GPM6B: variants seen among roughly 807,000 people sequenced by gnomAD.
The protein encoded by GPM6B is neuronal membrane glycoprotein M6-b.
Under a neutral mutation model 27.2 loss-of-function variants are expected in GPM6B, and 4 were observed. The observed-to-expected ratio is 0.15, with a 90% CI of 0.07 to 0.34. GPM6B has a LOEUF of 0.34. GPM6B is among the 10% of genes least tolerant of loss of function. The probability of loss-of-function intolerance (pLI) is 1.00; values close to 1 mark genes in which losing one functional copy is unlikely to be tolerated. For synonymous variants in GPM6B, 124 were observed against 103.1 expected (o/e 1.20, Z -1.23); for missense variants, 183 against 261.9 (o/e 0.70, Z 2.08).
chrX:13,790,045 G>A (rs900085021), intron 2 of GPM6B, among the ~76,000 whole-genome samples: 1 of 111,371 alleles, frequency 9.0e-6, no homozygotes, highest in Admixed American at 9.5e-5. Context: ...GTAGTGACAG[G>A]GTCTCCTTAT....
intron 1 of GPM6B, among the ~76,000 whole-genome samples, chrX:13,843,767 T>C (rs1316577568): frequency 8.9e-6 from 1 of 112,223 alleles, no homozygotes; most frequent in African/African-American, 3.2e-5. Context: ...TTTATTTTTA[T>C]TTTGGGTTGT....
At chrX:13,794,586 T>C (rs1264159291) in intron 2 of GPM6B, among the ~76,000 whole-genome samples, 3 of 111,690 alleles carry the variant, frequency 2.7e-5, no homozygotes, top group African/African-American at 9.8e-5. Flanking sequence ...TGCTTGACAT[T>C]TGCACAGTAA....
chrX:13,827,789 G>A (rs977129970), intron 1 of GPM6B, among the ~76,000 whole-genome samples: 1 of 112,301 alleles, frequency 8.9e-6, no homozygotes, highest in African/African-American at 3.2e-5. Context: ...CAGAAGTAGC[G>A]ATAAAGATGA....
chrX:13,844,471 A>G (rs748355326), intron 1 of GPM6B, among the ~76,000 whole-genome samples: 1 of 112,591 alleles, frequency 8.9e-6, no homozygotes, highest in South Asian at 3.7e-4. Context: ...ATTTGCTTTA[A>G]TCAATCACAC....
chrX:13,885,507 G>C (rs1320861174), intron 1 of GPM6B, among the ~76,000 whole-genome samples: 1 of 111,671 alleles, frequency 9.0e-6, no homozygotes, highest in Non-Finnish European at 1.9e-5. Flanking sequence ...AGTCTGATTG[G>C]GGTGAGCGGG....
chrX:13,773,751 ACTTT>A (rs1194326177), intron 7 of GPM6B: 2 of 113,135 alleles, frequency 1.8e-5, no homozygotes, highest in Non-Finnish European at 3.6e-5. Context: ...TATAGTTCAT[ACTTT>A]CTTCTCAACA....
chrX:13,849,498 T>C (rs1477197555), intron 1 of GPM6B, among the ~76,000 whole-genome samples: 1 of 112,573 alleles, frequency 8.9e-6, no homozygotes, highest in African/African-American at 3.2e-5. Context: ...AGACAAATGA[T>C]TGGTGAAACA....
intron 1 of GPM6B, among the ~76,000 whole-genome samples, chrX:13,918,503 C>T: frequency 8.9e-6 from 1 of 112,445 alleles, no homozygotes; most frequent in East Asian, 2.8e-4. Context: ...GCACAGAAAA[C>T]TCCCAATTAC....
At position 13,779,953 on chromosome X, in the gene GPM6B, G is replaced by T; in HGVS notation, c.562C>A (p.Leu188Met). The T allele has an allele frequency of 8.3e-7, 1 of 1,199,727 alleles. No individual in the cohort carries two copies. Among genetic ancestry groups the T allele is most frequent in the Non-Finnish European group, 1.1e-6 (1 of 886,576 alleles). Residue 188 changes from leucine to methionine, a missense_variant, in exon 5 of 8, where the codon CTG becomes ATG. Leu to Met is a conservative substitution (Grantham distance 15, BLOSUM62 2). Coordinates refer to ENST00000316715, the MANE Select transcript of GPM6B (RefSeq NM_001001995.3). ...ACCGCTGAGAAACCAAACACACCCA[G>T]CCAGGCCACTCCAAGCACATAGGTG... The part of the protein sequence containing the change: ...FLTYVLGVAW[L>M]GVFGFSAVPV...
chrX:13,798,370 G>T (rs2147157784), intron 2 of GPM6B, among the ~76,000 whole-genome samples: 1 of 108,076 alleles, frequency 9.3e-6, no homozygotes, highest in East Asian at 3.0e-4. Context: ...CAAGCAGAGG[G>T]CAGGAGGCTA....
chrX:13,934,199 G>A (rs761605097), intron 1 of GPM6B, among the ~76,000 whole-genome samples: 6 of 110,926 alleles, frequency 5.4e-5, no homozygotes, highest in African/African-American at 1.3e-4. Context: ...TCAAAATGTC[G>A]GTTTGTGTCC....
rs924057940 is a variant in GPM6B, at chrX:13,896,575, T to G, written c.-198+41752A>C. 1.1e-3 allele frequency among the ~76,000 whole-genome samples: 126 copies of G among 111,129 alleles called. 1 individual carries two copies. The highest frequency in any genetic ancestry group is 3.9e-3 in the African/African-American group (120 of 30,536). On this transcript the variant is annotated intron_variant, in intron 1 of 6. Coordinates refer to the GPM6B transcript ENST00000398361. ...CCATATTGACAATTTCTCTCTTTTT[T>G]TTCAAATTGAGACAGAGTCTTGCTC...
chrX:13,782,261 G>A (rs1028996347), intron 4 of GPM6B, among the ~76,000 whole-genome samples: 1 of 111,695 alleles, frequency 9.0e-6, no homozygotes, highest in African/African-American at 3.3e-5. Context: ...AGCTAAAAGC[G>A]GGCCATGCTA....
intron 1 of GPM6B, among the ~76,000 whole-genome samples, chrX:13,915,538 C>A (rs1387047647): frequency 1.8e-5 from 2 of 112,217 alleles, no homozygotes; most frequent in Non-Finnish European, 3.8e-5. Flanking sequence ...ACAGCTGGAG[C>A]CAGAATTCTT....
chrX:13,822,617 C>G (rs1481039034), intron 1 of GPM6B, among the ~76,000 whole-genome samples: 2 of 108,609 alleles, frequency 1.8e-5, no homozygotes, highest in African/African-American at 3.4e-5. Context: ...CTCAGGTGAT[C>G]TGCCCACCTT....
chrX:13,839,294 G>A (rs1377666920), intron 1 of GPM6B, among the ~76,000 whole-genome samples: 1 of 111,320 alleles, frequency 9.0e-6, no homozygotes, highest in Non-Finnish European at 1.9e-5. Context: ...CCAACTTCAA[G>A]ATGTCCCACC....
At chrX:13,791,205 GT>G (rs113854554) in intron 2 of GPM6B, among the ~76,000 whole-genome samples, 104 of 104,875 alleles carry the variant, frequency 9.9e-4, no homozygotes, top group Middle Eastern at 9.8e-3. Context: ...TCAATGCCAG[GT>G]TTTTTTTTTT....
Position 13,825,568 on chromosome X carries a change from C to T in GPM6B, c.-197-39760G>A, listed in dbSNP as rs773048843. 5.5e-4 allele frequency among the ~76,000 whole-genome samples: 62 copies of T among 112,645 alleles called. No homozygotes were observed. The South Asian group carries it at 6.2e-3, about 11-fold the overall frequency. On this transcript the variant is annotated intron_variant, in intron 1 of 6. Transcript: ENST00000398361. ...CCCCACAGTCAAGGCAACCAGAAGG[C>T]GAGGACTTGGCAAAGGCCACTGAAA... is the stretch of plus-strand genomic sequence containing the variant.
chrX:13,920,537 CATTGTACT>C (rs1920959676), intron 1 of GPM6B, among the ~76,000 whole-genome samples: 2 of 111,067 alleles, frequency 1.8e-5, no homozygotes, highest in Non-Finnish European at 3.8e-5. Flanking sequence ...GTAAACCAGC[CATTGTACT>C]ATTCATTAGC....
Sources: allele counts gnomAD v4.1 joint callset (sites outside exome capture counted in the v4.1 genomes callset), GRCh38; gene constraint gnomAD v4.1.1; transcripts MANE v1.5; gene names NCBI Gene and HGNC (gene_info 2026-07-23, HGNC 2026-07-21).